The following GNB1L variants were observed in gnomAD, a reference collection of about 807,000 sequenced individuals.
The protein encoded by GNB1L is guanine nucleotide-binding protein subunit beta-like protein 1.
A neutral mutation model predicts 29.1 loss-of-function variants in GNB1L; 20 were observed. The observed-to-expected ratio is 0.69, with a 90% CI of 0.48 to 1.00. The LOEUF is 1.00. Ranked by LOEUF, GNB1L falls within the 50% of genes least tolerant of loss-of-function variation. The pLI, the probability that GNB1L is intolerant of heterozygous loss-of-function variation, is 0.00. For missense variants in GNB1L, 421 were observed against 464.9 expected, an observed-to-expected ratio of 0.91 and a Z score of 0.87; for synonymous variants, 193 against 206.5, an observed-to-expected ratio of 0.93 and a Z score of 0.56.
intron 2 of GNB1L, among the ~76,000 whole-genome samples, chr22:19,833,638 T>C (rs994613284): frequency 6.6e-6 from 1 of 151,848 alleles, no homozygotes; most frequent in Non-Finnish European, 1.5e-5. Flanking sequence ...CTGAGGCAGG[T>C]GGATCACTTG....
chr22:19,832,997 A>T (rs963265427), intron 2 of GNB1L, among the ~76,000 whole-genome samples: 9 of 152,264 alleles, frequency 5.9e-5, no homozygotes, highest in Non-Finnish European at 1.3e-4. Flanking sequence ...ACCACAGCCC[A>T]CGGAGGGCGA....
At chr22:19,810,570 T>C (rs1158888184) in intron 5 of GNB1L, among the ~76,000 whole-genome samples, 1 of 152,136 alleles carries the variant, frequency 6.6e-6, no homozygotes, top group African/African-American at 2.4e-5. Flanking sequence ...AGCCCGGGGC[T>C]GCCCCTGCCT....
chr22:19,803,657 C>T (rs144276683), intron 6 of GNB1L, among the ~76,000 whole-genome samples: 79 of 152,328 alleles, frequency 5.2e-4, no homozygotes, highest in African/African-American at 1.8e-3. Flanking sequence ...TTGCAGGCAG[C>T]CCTGGCTCCC....
chr22:19,808,623 G>T (rs558222673), intron 5 of GNB1L, among the ~76,000 whole-genome samples: 1 of 152,218 alleles, frequency 6.6e-6, no homozygotes, highest in Non-Finnish European at 1.5e-5. Context: ...CCAAGACGAG[G>T]TGCCACTGAG....
At chr22:19,838,722 G>A (rs990407571) in intron 2 of GNB1L, among the ~76,000 whole-genome samples, 3 of 152,118 alleles carry the variant, frequency 2.0e-5, no homozygotes, top group Non-Finnish European at 4.4e-5. Context: ...GCCTCCCAAA[G>A]TGCTGGGATT....
chr22:19,788,267 T>C lies in GNB1L; in HGVS notation c.*442A>G. ...TTGGGGCCTATCATCTCCTGAGGCC[T>C]GGCCCAGGAAACCCACACTCGGGGT... On this transcript the variant is annotated 3_prime_UTR_variant, in exon 8 of 8. Coordinates refer to ENST00000329517, the MANE Select transcript of GNB1L (RefSeq NM_053004.3). 2.2e-6 allele frequency: 1 copy of C among 450,910 alleles called. No homozygotes were observed. Among genetic ancestry groups the C allele is most frequent in the Non-Finnish European group, 4.0e-6 (1 of 251,552 alleles). 27.9% of individuals were successfully genotyped at this position (450,910 alleles called of 1,614,324 possible). A position where few individuals can be genotyped will look rare whatever the true frequency, so the allele number is the denominator to read the frequency against.
chr22:19,838,047 G>A (rs573991187), intron 2 of GNB1L, among the ~76,000 whole-genome samples: 1 of 152,342 alleles, frequency 6.6e-6, no homozygotes, highest in Non-Finnish European at 1.5e-5. Flanking sequence ...CTTGAGCGTG[G>A]GGATGGCGTC....
At chr22:19,852,171 C>T (rs1938122078) in intron 2 of GNB1L, 2 of 1,614,022 alleles carry the variant, frequency 1.2e-6, no homozygotes, top group South Asian at 2.2e-5. Flanking sequence ...GACGCCTTGT[C>T]CATCTGCTGC....
intron 4 of GNB1L, among the ~76,000 whole-genome samples, chr22:19,818,483 G>C (rs529684772): frequency 6.6e-6 from 1 of 152,168 alleles, no homozygotes; most frequent in Non-Finnish European, 1.5e-5. Context: ...ATGACCACAC[G>C]GGGCTCTGCA....
chr22:19,808,314 G>A (rs1004067786), intron 5 of GNB1L, among the ~76,000 whole-genome samples: 1 of 152,214 alleles, frequency 6.6e-6, no homozygotes, highest in African/African-American at 2.4e-5. Flanking sequence ...CTCAGGGGGA[G>A]CCAACCATCT....
At chr22:19,814,262 G>A (rs1937517002) in intron 4 of GNB1L, among the ~76,000 whole-genome samples, 1 of 152,182 alleles carries the variant, frequency 6.6e-6, no homozygotes, top group Non-Finnish European at 1.5e-5. Context: ...AACAGGTGCA[G>A]GCAGAGTCCA....
At chr22:19,815,143 A>G (rs1937519632) in intron 4 of GNB1L, among the ~76,000 whole-genome samples, 2 of 152,192 alleles carry the variant, frequency 1.3e-5, no homozygotes, top group Admixed American at 1.3e-4. Context: ...CAGAAATGTC[A>G]CTGGTGGACA....
At chr22:19,838,301 C>A (rs1306918009) in intron 2 of GNB1L, among the ~76,000 whole-genome samples, 1 of 152,024 alleles carries the variant, frequency 6.6e-6, no homozygotes, top group Non-Finnish European at 1.5e-5. Flanking sequence ...AATGAAATAC[C>A]ACTACATACC....
chr22:19,845,538 G>A (rs1021271454), intron 2 of GNB1L, among the ~76,000 whole-genome samples: 3 of 152,254 alleles, frequency 2.0e-5, no homozygotes, highest in South Asian at 2.1e-4. Flanking sequence ...GCAAGTGCAT[G>A]AGCACCCATC....
chr22:19,794,796 C>T (rs1241562623), intron 7 of GNB1L, among the ~76,000 whole-genome samples: 1 of 152,160 alleles, frequency 6.6e-6, no homozygotes, highest in African/African-American at 2.4e-5. Context: ...TCCTGGACAA[C>T]ATGGTGAAAC....
chr22:19,807,422 G>A (rs1030320352), intron 5 of GNB1L, among the ~76,000 whole-genome samples: 6 of 152,120 alleles, frequency 3.9e-5, no homozygotes, highest in Non-Finnish European at 7.4e-5. Flanking sequence ...ATCCAGGTCC[G>A]CCTGCACCCT....
intron 7 of GNB1L, among the ~76,000 whole-genome samples, chr22:19,799,850 A>G (rs1411396273): frequency 6.6e-6 from 1 of 152,210 alleles, no homozygotes; most frequent in Non-Finnish European, 1.5e-5. Context: ...GGCTTTACAG[A>G]ACCTGCAATC....
chr22:19,849,041 T>G (rs994407983), intron 2 of GNB1L: 5 of 985,320 alleles, frequency 5.1e-6, no homozygotes, highest in South Asian at 4.7e-5. Context: ...GGATGGGGCC[T>G]GAGTCATCGG....
At chr22:19,819,082 A>C (rs1937557627) in intron 4 of GNB1L, among the ~76,000 whole-genome samples, 1 of 152,200 alleles carries the variant, frequency 6.6e-6, no homozygotes, top group African/African-American at 2.4e-5. Context: ...GCCCTGGGCT[A>C]ACCCTCGGGG....
Sources: gnomAD v4.1 joint callset for allele counts (sites outside exome capture counted in the v4.1 genomes callset) on GRCh38, gnomAD v4.1.1 for gene constraint, MANE v1.5 for transcripts, NCBI Gene and HGNC (gene_info 2026-07-23, HGNC 2026-07-21) for gene names.